The following NTRK3 variants were observed in gnomAD, a reference collection of about 807,000 sequenced individuals.
NTRK3 encodes NT-3 growth factor receptor.
NTRK3 carries 24 observed loss-of-function variants against 91.7 expected under a neutral mutation model. That is an observed-to-expected ratio of 0.26 (90% CI 0.19 to 0.37). The LOEUF (loss-of-function observed/expected upper bound fraction) is 0.37, where lower values mean the gene tolerates loss of function less well. Ranked by LOEUF, NTRK3 falls within the 10% of genes least tolerant of loss-of-function variation. The pLI is 1.00. For synonymous variants in NTRK3, 483 were observed against 404.0 expected, an observed-to-expected ratio of 1.20 and a Z score of -2.34; for missense variants, 880 against 1,068.9, an observed-to-expected ratio of 0.82 and a Z score of 2.46.
chr15:88,184,416 G>T, intron 3 of NTRK3, 117 bp from the exon 4 acceptor site: 1 of 966,464 alleles, frequency 1.0e-6, no homozygotes, highest in Non-Finnish European at 1.6e-6. Context: ...CAGGCCTTTT[G>T]CCAAGTCACC....
At chr15:87,925,739 A>G (rs1341680013) in intron 17 of NTRK3, 1 of 180,396 alleles carries the variant, frequency 5.5e-6, no homozygotes, top group African/African-American at 2.4e-5. Context: ...ATTTCCATAC[A>G]TGTTGAAACC....
chr15:88,017,167 A>G (rs2077292483), intron 14 of NTRK3, among the ~76,000 whole-genome samples: 1 of 152,068 alleles, frequency 6.6e-6, no homozygotes, highest in Admixed American at 6.6e-5. Context: ...GTGTGCTGGG[A>G]GGTCTCTGAT....
intron 3 of NTRK3, among the ~76,000 whole-genome samples, chr15:88,232,089 T>C (rs146387598): frequency 2.6e-3 from 398 of 152,224 alleles, no homozygotes; most frequent in Non-Finnish European, 4.6e-3. Flanking sequence ...CCATGCTCCC[T>C]ACCTCCAGGT....
At chr15:87,974,503 T>G (rs751895366) in intron 14 of NTRK3, among the ~76,000 whole-genome samples, 2 of 151,404 alleles carry the variant, frequency 1.3e-5, no homozygotes, top group Non-Finnish European at 2.9e-5. Flanking sequence ...AAGGATCAGG[T>G]TGGTCTCATC....
intron 14 of NTRK3, 136 bp downstream of exon 14, chr15:88,032,721 C>T (rs2078662465): frequency 1.0e-6 from 1 of 984,152 alleles, no homozygotes; most frequent in Admixed American, 2.0e-5. Context: ...TTGAAACAAA[C>T]AGGGAGGGTC....
At chr15:88,053,303 C>T (rs1454719588) in intron 13 of NTRK3, among the ~76,000 whole-genome samples, 6 of 152,106 alleles carry the variant, frequency 3.9e-5, no homozygotes, top group Non-Finnish European at 8.8e-5. Flanking sequence ...AGGGCCTGTC[C>T]CACAGTCAGT....
At chr15:87,885,334 A>T (rs2065476683) in intron 17 of NTRK3, among the ~76,000 whole-genome samples, 1 of 151,926 alleles carries the variant, frequency 6.6e-6, no homozygotes, top group South Asian at 2.1e-4. Context: ...TCTTCTTTAG[A>T]TTAATCTGAA....
intron 14 of NTRK3, among the ~76,000 whole-genome samples, chr15:88,016,575 A>C (rs1314728685): frequency 2.6e-5 from 4 of 152,234 alleles, no homozygotes; most frequent in Non-Finnish European, 5.9e-5. Context: ...ACAGCAGGGC[A>C]CACCCCCTCC....
At chr15:87,993,009 A>G (rs2075406055) in intron 14 of NTRK3, among the ~76,000 whole-genome samples, 1 of 152,224 alleles carries the variant, frequency 6.6e-6, no homozygotes, top group Non-Finnish European at 1.5e-5. Flanking sequence ...TGGCACTTGC[A>G]AAGCATTTCT....
chr15:88,189,763 C>T (rs1252937053), intron 3 of NTRK3, among the ~76,000 whole-genome samples: 1 of 152,096 alleles, frequency 6.6e-6, no homozygotes, highest in Non-Finnish European at 1.5e-5. Flanking sequence ...TTTTGTACCC[C>T]AGTTTTCTCT....
At chr15:87,861,622 A>C (rs1596024899) in exon 19 of NTRK3, 1 of 194,172 alleles carries the variant, frequency 5.2e-6, no homozygotes, top group Admixed American at 6.1e-5. Context: ...AGGGAAAAAA[A>C]AAATCCCACT....
chr15:88,003,953 C>G (rs2141662672), intron 14 of NTRK3, among the ~76,000 whole-genome samples: 1 of 151,668 alleles, frequency 6.6e-6, no homozygotes, highest in Non-Finnish European at 1.5e-5. Flanking sequence ...AAAACCCTTT[C>G]CCATTCAAGA....
intron 13 of NTRK3, among the ~76,000 whole-genome samples, chr15:88,105,219 C>A (rs567052736): frequency 6.6e-6 from 1 of 152,310 alleles, no homozygotes; most frequent in East Asian, 1.9e-4. Flanking sequence ...TTATTCTTAA[C>A]GTTGCCAATT....
intron 13 of NTRK3, among the ~76,000 whole-genome samples, chr15:88,102,947 T>C (rs1484731221): frequency 6.6e-6 from 1 of 152,186 alleles, no homozygotes; most frequent in Admixed American, 6.5e-5. Context: ...TCACAGCCTT[T>C]GGTAGTAATA....
intron 5 of NTRK3, among the ~76,000 whole-genome samples, chr15:88,150,837 C>A (rs925643662): frequency 3.3e-5 from 5 of 152,190 alleles, no homozygotes; most frequent in Non-Finnish European, 2.9e-5. Flanking sequence ...CCTGCCCTCA[C>A]CGGCATTGAT....
intron 17 of NTRK3, among the ~76,000 whole-genome samples, chr15:87,894,716 T>A (rs1295644200): frequency 1.3e-5 from 2 of 152,204 alleles, no homozygotes; most frequent in Non-Finnish European, 2.9e-5. Flanking sequence ...CAACTGTTGG[T>A]ATGTCTCAAT....
At chr15:87,903,794 C>A (rs536380270) in intron 17 of NTRK3, among the ~76,000 whole-genome samples, 55 of 152,252 alleles carry the variant, frequency 3.6e-4, no homozygotes, top group African/African-American at 1.2e-3. Flanking sequence ...CTTGGGATAG[C>A]AATGAAAAGG....
intron 13 of NTRK3, among the ~76,000 whole-genome samples, chr15:88,065,406 T>A (rs1210714174): frequency 6.6e-6 from 1 of 152,116 alleles, no homozygotes; most frequent in African/African-American, 2.4e-5. Flanking sequence ...GCCCATATGG[T>A]CCCTGTCCCC....
At chr15:87,953,767 G>C (rs528191100) in intron 14 of NTRK3, among the ~76,000 whole-genome samples, 2 of 152,016 alleles carry the variant, frequency 1.3e-5, no homozygotes, top group Non-Finnish European at 2.9e-5. Context: ...TCAGCCTGGC[G>C]GACATTTCCT....
Sources: allele counts gnomAD v4.1 joint callset (sites outside exome capture counted in the v4.1 genomes callset), GRCh38; gene constraint gnomAD v4.1.1; transcripts MANE v1.5; gene names NCBI Gene and HGNC (gene_info 2026-07-23, HGNC 2026-07-21).